The following NMBR variants were observed in gnomAD, a reference collection of about 807,000 sequenced individuals.
NMBR encodes neuromedin B receptor.
In NMBR, 16 loss-of-function variants were observed where a neutral mutation model predicts 20.5. The observed-to-expected ratio is 0.78, with a 90% CI of 0.53 to 1.19. The LOEUF is 1.19. Ranked by LOEUF, NMBR falls within the 50% of genes most tolerant of loss-of-function variation. The pLI, the probability that NMBR is intolerant of heterozygous loss-of-function variation, is 0.00. For missense variants in NMBR, 582 were observed against 499.1 expected, an observed-to-expected ratio of 1.17 and a Z score of -1.58; for synonymous variants, 212 against 196.6, an observed-to-expected ratio of 1.08 and a Z score of -0.65.
chr6:142,118,705 A>G (rs1245871640), intron 1 of NMBR, among the ~76,000 whole-genome samples: 1 of 152,058 alleles, frequency 6.6e-6, no homozygotes, highest in Non-Finnish European at 1.5e-5. Context: ...GGTTGTGGTT[A>G]AGAAACCCAT....
chr6:142,113,193 A>T (rs1436305761), intron 1 of NMBR, among the ~76,000 whole-genome samples: 1 of 152,118 alleles, frequency 6.6e-6, no homozygotes, highest in Non-Finnish European at 1.5e-5. Context: ...TTTCTACACT[A>T]TATGATTTAG....
At chr6:142,112,805 C>T (rs1777788262) in intron 1 of NMBR, among the ~76,000 whole-genome samples, 1 of 151,892 alleles carries the variant, frequency 6.6e-6, no homozygotes, top group Non-Finnish European at 1.5e-5. Flanking sequence ...GGTACAGTTA[C>T]CAGAGCAGTG....
intron 1 of NMBR, among the ~76,000 whole-genome samples, chr6:142,138,095 TCA>T (rs2114613003): frequency 6.6e-6 from 1 of 152,266 alleles, no homozygotes; most frequent in East Asian, 1.9e-4. Flanking sequence ...TGAAATTATT[TCA>T]GAGACAATTT....
chr6:142,127,613 A>T (rs868258800), intron 1 of NMBR, among the ~76,000 whole-genome samples: 4 of 151,994 alleles, frequency 2.6e-5, no homozygotes, highest in African/African-American at 9.7e-5. Flanking sequence ...AATTTTTCCA[A>T]TACATGCATA....
intron 2 of NMBR, among the ~76,000 whole-genome samples, chr6:142,082,437 G>A (rs1285576329): frequency 6.6e-6 from 1 of 152,176 alleles, no homozygotes; most frequent in Non-Finnish European, 1.5e-5. Flanking sequence ...GACAAACGGA[G>A]ACTGAGTCTA....
At chr6:142,079,872 C>A (rs1777058071) in intron 2 of NMBR, among the ~76,000 whole-genome samples, 1 of 152,146 alleles carries the variant, frequency 6.6e-6, no homozygotes, top group South Asian at 2.1e-4. Context: ...ATAAAGGAAT[C>A]ACACTCCAGG....
At chr6:142,105,697 T>G (rs1333903012) in intron 1 of NMBR, among the ~76,000 whole-genome samples, 5 of 152,172 alleles carry the variant, frequency 3.3e-5, no homozygotes, top group Non-Finnish European at 7.4e-5. Context: ...TTCTCTCATA[T>G]TTAGTAGTTT....
At chr6:142,134,666 T>C (rs1308383702) in intron 1 of NMBR, 7 of 695,444 alleles carry the variant, frequency 1.0e-5, no homozygotes, top group Non-Finnish European at 1.8e-5. Flanking sequence ...CTCTCTGTTT[T>C]ATTAAGAATT....
chr6:142,147,042 AC>A lies in NMBR; in HGVS notation c.-664+1del. ...AAACAAAACAAAAACCCTTCCTCCTACCAGCAGAGAGCGCTAGCGCCATGCG... is the reference window on the plus strand; with the variant it reads ...AAACAAAACAAAAACCCTTCCTCCTACAGCAGAGAGCGCTAGCGCCATGCG... On this transcript the variant is annotated splice_donor_variant, in intron 1 of 3. Coordinates refer to ENST00000258042, the MANE Select transcript of NMBR (RefSeq NM_002511.4). LOFTEE classifies it low-confidence loss of function (5UTR_SPLICE). The A allele has an allele frequency of 1.9e-6, 1 of 523,320 alleles. No homozygotes were observed. The allele number at this position is 523,320 out of a possible 1,614,324, so 32.4% of individuals were successfully genotyped here. A position where few individuals can be genotyped will look rare whatever the true frequency, so the allele number is the denominator to read the frequency against.
chr6:142,146,230 T>C (rs1471869046), intron 1 of NMBR, among the ~76,000 whole-genome samples: 1 of 152,166 alleles, frequency 6.6e-6, no homozygotes, highest in African/African-American at 2.4e-5. Flanking sequence ...TATGAGGACA[T>C]GGAGCGGTTT....
intron 1 of NMBR, among the ~76,000 whole-genome samples, chr6:142,103,419 A>G (rs1413229014): frequency 6.6e-6 from 1 of 152,222 alleles, no homozygotes; most frequent in Non-Finnish European, 1.5e-5. Context: ...TAAAGTTTTA[A>G]AACCCAGGAA....
At chr6:142,132,801 T>C (rs962475353) in intron 1 of NMBR, among the ~76,000 whole-genome samples, 1 of 152,178 alleles carries the variant, frequency 6.6e-6, no homozygotes, top group African/African-American at 2.4e-5. Flanking sequence ...TTTTAGGTAA[T>C]TGCAGAAGCG....
intron 1 of NMBR, among the ~76,000 whole-genome samples, chr6:142,135,825 TCAC>T (rs1261972466): frequency 1.3e-5 from 2 of 152,052 alleles, no homozygotes; most frequent in Non-Finnish European, 2.9e-5. Context: ...GGACATGAAC[TCAC>T]CATTTTTTAT....
intron 1 of NMBR, among the ~76,000 whole-genome samples, chr6:142,095,953 G>A (rs893584563): frequency 1.3e-5 from 2 of 152,262 alleles, no homozygotes; most frequent in East Asian, 3.9e-4. Context: ...GGTGTTTACA[G>A]TATTCTCTGA....
chr6:142,084,384 C>T (rs962798111), intron 2 of NMBR, among the ~76,000 whole-genome samples: 2 of 152,180 alleles, frequency 1.3e-5, no homozygotes, highest in Non-Finnish European at 2.9e-5. Context: ...GCATTAGAAA[C>T]TTAATCAGAT....
intron 3 of NMBR, 72 bp downstream of exon 3, chr6:142,078,483 C>T (rs1193188966): frequency 2.3e-6 from 2 of 867,634 alleles, no homozygotes; most frequent in East Asian, 2.5e-5. Context: ...ATTAAAAGCC[C>T]ACAAAATAAA....
intron 2 of NMBR, among the ~76,000 whole-genome samples, chr6:142,087,492 G>A (rs1336910115): frequency 6.6e-6 from 1 of 152,072 alleles, no homozygotes; most frequent in Non-Finnish European, 1.5e-5. Flanking sequence ...TACATTCCCT[G>A]GGCCTCAATA....
At chr6:142,125,084 A>C (rs1778006782) in intron 1 of NMBR, among the ~76,000 whole-genome samples, 1 of 151,876 alleles carries the variant, frequency 6.6e-6, no homozygotes, top group South Asian at 2.1e-4. Flanking sequence ...AAAGATGTGA[A>C]TTGGCTAAGG....
At chr6:142,140,419 C>T (rs1778345770) in intron 1 of NMBR, among the ~76,000 whole-genome samples, 1 of 151,762 alleles carries the variant, frequency 6.6e-6, no homozygotes, top group Non-Finnish European at 1.5e-5. Context: ...ACAATTTTGG[C>T]TTAACAAGCA....
Sources: gnomAD v4.1 joint callset for allele counts (sites outside exome capture counted in the v4.1 genomes callset) on GRCh38, gnomAD v4.1.1 for gene constraint, MANE v1.5 for transcripts, NCBI Gene and HGNC (gene_info 2026-07-23, HGNC 2026-07-21) for gene names.